Variants in KIAA0825 observed in about 807,000 individuals in gnomAD.
The protein encoded by KIAA0825 is uncharacterized protein KIAA0825.
Under a neutral mutation model 147.6 loss-of-function variants are expected in KIAA0825, and 119 were observed. The observed-to-expected ratio is 0.81, with a 90% confidence interval of 0.69 to 0.94. The LOEUF (loss-of-function observed/expected upper bound fraction) is 0.94, where lower values mean the gene tolerates loss of function less well. Among genes scored for constraint, KIAA0825 ranks in the 40% least tolerant of loss-of-function variants. The pLI is 0.00. For synonymous variants in KIAA0825, 470 were observed against 518.1 expected, an observed-to-expected ratio of 0.91 and a Z score of 1.26; for missense variants, 1,381 against 1,472.7, an observed-to-expected ratio of 0.94 and a Z score of 1.02.
chr5:94,462,512 T>C lies in KIAA0825; in HGVS notation c.2121A>G (p.Thr707=), dbSNP rs1385455101. 3 of 1,544,374 alleles carry C rather than the reference T, an allele frequency of 1.9e-6. No individual in the cohort carries two copies. Among genetic ancestry groups the C allele is most frequent in the Admixed American group, 2.0e-5 (1 of 49,902 alleles). Residue 707 remains threonine, a synonymous_variant, in exon 12 of 21, where the codon ACA becomes ACG. Coordinates refer to ENST00000682413, the MANE Select transcript of KIAA0825 (RefSeq NM_001145678.3). ...GAGGATTCAAAAGTTTCTGTACAGA[T>C]GTACAAACTGACCATAACATGTTCT... The part of the protein sequence containing the change: ...CTENMLWSVC[T]SVQKLLNPHQ...
At chr5:94,518,681 C>T (rs1453869019) in intron 5 of KIAA0825, among the ~76,000 whole-genome samples, 1 of 152,028 alleles carries the variant, frequency 6.6e-6, no homozygotes, top group Non-Finnish European at 1.5e-5. Flanking sequence ...ATGGACAGTG[C>T]TCACTTAATA....
At chr5:94,251,409 A>G (rs1214754876) in intron 20 of KIAA0825, among the ~76,000 whole-genome samples, 1 of 152,098 alleles carries the variant, frequency 6.6e-6, no homozygotes, top group Middle Eastern at 3.2e-3. Context: ...TATTCAATGA[A>G]TTCACTTTCT....
chr5:94,520,079 A>G, intron 5 of KIAA0825, 169 bp downstream of exon 5: 5 of 1,136,998 alleles, frequency 4.4e-6, no homozygotes, highest in Non-Finnish European at 5.6e-6. Context: ...TTTTATAACT[A>G]CAATTATAGA....
intron 20 of KIAA0825, among the ~76,000 whole-genome samples, chr5:94,163,730 A>C (rs1767782621): frequency 6.6e-6 from 1 of 152,186 alleles, no homozygotes; most frequent in Admixed American, 6.5e-5. Flanking sequence ...AGGGATCAAA[A>C]TACATAATAC....
intron 2 of KIAA0825, among the ~76,000 whole-genome samples, chr5:94,579,427 T>C (rs950637936): frequency 3.9e-5 from 6 of 152,200 alleles, no homozygotes; most frequent in African/African-American, 2.4e-5. Flanking sequence ...TATTGAAAAA[T>C]ATTAAAAGCA....
intron 5 of KIAA0825, among the ~76,000 whole-genome samples, chr5:94,514,234 G>A (rs775026145): frequency 2.6e-5 from 4 of 151,916 alleles, no homozygotes; most frequent in Non-Finnish European, 5.9e-5. Flanking sequence ...CAGGTTACTT[G>A]CATCTTTAGG....
intron 14 of KIAA0825, among the ~76,000 whole-genome samples, chr5:94,432,231 G>A (rs1755774220): frequency 6.6e-6 from 1 of 152,162 alleles, no homozygotes; most frequent in African/African-American, 2.4e-5. Context: ...GCAGCAGCGG[G>A]AGCAGCATCA....
chr5:94,201,616 G>GA (rs1554242239), intron 20 of KIAA0825, among the ~76,000 whole-genome samples: 2 of 143,350 alleles, frequency 1.4e-5, no homozygotes, highest in Admixed American at 1.4e-4. Flanking sequence ...TGGTTTTTTG[G>GA]TTTTTTTTTT....
At position 94,455,423 on chromosome 5, in the gene KIAA0825, A is replaced by G. The variant is rs143864170; in HGVS notation, c.2247-2354T>C. On this transcript the variant is annotated intron_variant, in intron 12 of 20. Coordinates refer to ENST00000682413, the MANE Select transcript of KIAA0825 (RefSeq NM_001145678.3). Reference sequence around the variant, plus strand: ...ACCCTGCCCATGTTGTTAGCTTAGCATGCTGAGGGTAGAAGTCCAGTTGCA... The same window carrying G: ...ACCCTGCCCATGTTGTTAGCTTAGCGTGCTGAGGGTAGAAGTCCAGTTGCA... Among the ~76,000 whole-genome samples the G allele has an allele frequency of 3.3e-5, 5 of 152,296 alleles. No homozygotes were observed. In the East Asian group the frequency reaches 9.7e-4, roughly 29 times the overall value.
chr5:94,609,797 G>C (rs542694215), intron 1 of KIAA0825, among the ~76,000 whole-genome samples: 5 of 152,036 alleles, frequency 3.3e-5, no homozygotes, highest in Admixed American at 2.0e-4. Flanking sequence ...CTGGGCAAGA[G>C]AGCCAGATTT....
Position 94,273,783 on chromosome 5 carries a change from TAA to T in KIAA0825, c.3710+110583_3710+110584del, listed in dbSNP as rs36112465. Among the ~76,000 whole-genome samples the T allele has an allele frequency of 4.0e-5, 6 of 150,720 alleles. No individual in the cohort carries two copies. The East Asian group carries it at 1.2e-3, about 29-fold the overall frequency. ...AGGACTGATGTAATGGTTAGGAGGT[TAA>T]AAAAAAATGCTTACCAAATGTTAAT... On this transcript the variant is annotated intron_variant, in intron 20 of 20. Transcript: ENST00000682413.
chr5:94,192,007 C>A (rs1203148948), intron 20 of KIAA0825, among the ~76,000 whole-genome samples: 3 of 152,192 alleles, frequency 2.0e-5, no homozygotes, highest in Non-Finnish European at 4.4e-5. Flanking sequence ...TTCAAAGATT[C>A]CCAAGTCAAT....
chr5:94,513,368 T>C (rs961312766), intron 5 of KIAA0825, among the ~76,000 whole-genome samples: 1 of 152,194 alleles, frequency 6.6e-6, no homozygotes, highest in Non-Finnish European at 1.5e-5. Context: ...ATCTTATTTT[T>C]AACTTTCATC....
At chr5:94,447,122 T>C (rs1757826390) in intron 13 of KIAA0825, among the ~76,000 whole-genome samples, 1 of 152,044 alleles carries the variant, frequency 6.6e-6, no homozygotes, top group Non-Finnish European at 1.5e-5. Flanking sequence ...AGTCCAGATT[T>C]GGTTATGGTG....
intron 20 of KIAA0825, among the ~76,000 whole-genome samples, chr5:94,199,015 C>A (rs1280500995): frequency 6.6e-6 from 1 of 152,120 alleles, no homozygotes; most frequent in African/African-American, 2.4e-5. Context: ...GCTTTCTTGC[C>A]ATCCAGATTC....
chr5:94,303,903 G>A (rs1268370690), intron 20 of KIAA0825, among the ~76,000 whole-genome samples: 1 of 151,870 alleles, frequency 6.6e-6, no homozygotes, highest in Middle Eastern at 3.2e-3. Context: ...TCATTAAAAA[G>A]GCTGTAGCTT....
intron 13 of KIAA0825, among the ~76,000 whole-genome samples, chr5:94,441,081 G>GT (rs1757019057): frequency 6.6e-6 from 1 of 152,010 alleles, no homozygotes; most frequent in Middle Eastern, 3.2e-3. Context: ...AGAGAAAGGG[G>GT]TATCACTGAG....
chr5:94,347,572 C>T (rs1015538102), intron 20 of KIAA0825, among the ~76,000 whole-genome samples: 3 of 152,166 alleles, frequency 2.0e-5, no homozygotes, highest in Non-Finnish European at 4.4e-5. Flanking sequence ...CAGTTTGGCT[C>T]ACAGGAAGCC....
chr5:94,448,320 A>G (rs1466402731), intron 13 of KIAA0825, among the ~76,000 whole-genome samples: 1 of 151,920 alleles, frequency 6.6e-6, no homozygotes, highest in Non-Finnish European at 1.5e-5. Flanking sequence ...GGGTTCTAGG[A>G]GAATATGAAA....
Sources: allele counts gnomAD v4.1 joint callset (sites outside exome capture counted in the v4.1 genomes callset), GRCh38; gene constraint gnomAD v4.1.1; transcripts MANE v1.5; gene names NCBI Gene and HGNC (gene_info 2026-07-23, HGNC 2026-07-21).